Variants in NTRK3 observed in about 807,000 individuals in gnomAD.
NTRK3 encodes the protein neurotrophic receptor tyrosine kinase 3.
NTRK3 carries 24 observed loss-of-function variants against 91.7 expected under a neutral mutation model. That is an observed-to-expected ratio of 0.26 (90% CI 0.19 to 0.37). The LOEUF is 0.37. NTRK3 is among the 10% of genes least tolerant of loss of function. The pLI, the probability that NTRK3 is intolerant of heterozygous loss-of-function variation, is 1.00. For synonymous variants in NTRK3, 483 were observed against 404.0 expected (o/e 1.20, Z -2.34); for missense variants, 880 against 1,068.9 (o/e 0.82, Z 2.46).
intron 3 of NTRK3, among the ~76,000 whole-genome samples, chr15:88,254,001 C>T (rs762607155): frequency 2.0e-5 from 3 of 152,194 alleles, no homozygotes; most frequent in Non-Finnish European, 4.4e-5. Flanking sequence ...CCATCCCTGC[C>T]TCCCACTGGC....
chr15:88,046,904 A>T (rs2142221718), intron 13 of NTRK3, among the ~76,000 whole-genome samples: 1 of 152,262 alleles, frequency 6.6e-6, no homozygotes, highest in South Asian at 2.1e-4. Context: ...GCAACACCAA[A>T]ATCAATTGAA....
chr15:88,057,021 T>C (rs2061711328), intron 13 of NTRK3, among the ~76,000 whole-genome samples: 1 of 150,352 alleles, frequency 6.7e-6, no homozygotes, highest in Admixed American at 6.6e-5. Flanking sequence ...ATACAAAAAT[T>C]AGCCGGGCAT....
intron 14 of NTRK3, among the ~76,000 whole-genome samples, chr15:87,987,670 C>G (rs993576176): frequency 6.6e-6 from 1 of 151,884 alleles, no homozygotes; most frequent in East Asian, 1.9e-4. Flanking sequence ...ACTTTGTATA[C>G]AGTACTCATA....
At chr15:88,195,898 T>C (rs1242914596) in intron 3 of NTRK3, among the ~76,000 whole-genome samples, 1 of 152,202 alleles carries the variant, frequency 6.6e-6, no homozygotes, top group Non-Finnish European at 1.5e-5. Context: ...CTGAGAATGC[T>C]GCCCTTTGGG....
intron 13 of NTRK3, among the ~76,000 whole-genome samples, chr15:88,071,451 T>C (rs896797717): frequency 1.3e-5 from 2 of 152,256 alleles, no homozygotes; most frequent in African/African-American, 4.8e-5. Flanking sequence ...AGGGAAGTTA[T>C]ATGGGCTGGC....
intron 13 of NTRK3, among the ~76,000 whole-genome samples, chr15:88,044,320 A>C (rs926020555): frequency 1.5e-5 from 2 of 131,152 alleles, no homozygotes; most frequent in Admixed American, 9.4e-5. Context: ...GAGTGCAGTG[A>C]CACGATCTCG....
chr15:88,147,762 G>C (rs1011067802), intron 5 of NTRK3, among the ~76,000 whole-genome samples: 2 of 152,088 alleles, frequency 1.3e-5, no homozygotes, highest in African/African-American at 2.4e-5. Flanking sequence ...GGAGTTCTCA[G>C]AGTAGATAAG....
At chr15:87,989,814 C>A (rs1027974570) in intron 14 of NTRK3, among the ~76,000 whole-genome samples, 28 of 152,052 alleles carry the variant, frequency 1.8e-4, no homozygotes, top group African/African-American at 6.3e-4. Flanking sequence ...ACCATGTTGG[C>A]CAGACTGGTC....
chr15:88,177,497 G>A (rs893622865), intron 5 of NTRK3, among the ~76,000 whole-genome samples: 2 of 152,210 alleles, frequency 1.3e-5, no homozygotes, highest in African/African-American at 4.8e-5. Context: ...GAAGAAGGGA[G>A]TAGGCAGGTA....
intron 13 of NTRK3, among the ~76,000 whole-genome samples, chr15:88,099,604 T>C (rs985173614): frequency 6.6e-6 from 1 of 152,172 alleles, no homozygotes; most frequent in African/African-American, 2.4e-5. Flanking sequence ...AGTAGGAACA[T>C]GGCATCGGGA....
At chr15:88,232,502 G>A (rs1425768759) in intron 3 of NTRK3, among the ~76,000 whole-genome samples, 1 of 152,210 alleles carries the variant, frequency 6.6e-6, no homozygotes, top group East Asian at 1.9e-4. Context: ...AACTTGGCTT[G>A]ATTCAATAAT....
chr15:88,248,793 C>A (rs768092227), intron 3 of NTRK3, among the ~76,000 whole-genome samples: 2 of 152,156 alleles, frequency 1.3e-5, no homozygotes, highest in Non-Finnish European at 2.9e-5. Context: ...GTGTCTAGAA[C>A]ATAGTAAGTG....
chr15:88,158,293 G>A (rs964150401), intron 5 of NTRK3, among the ~76,000 whole-genome samples: 4 of 152,190 alleles, frequency 2.6e-5, no homozygotes, highest in Admixed American at 6.5e-5. Flanking sequence ...AAATACAGGA[G>A]GTCCAGGTGG....
rs150981324 is a variant in NTRK3, at chr15:87,893,195, T to C, written c.2134-12767A>G. The stretch of plus-strand genomic sequence containing the variant: ...CTTGTCTTTCCCCAAGGCTGTATCG[T>C]ACCCCTCCTCAAGCCATCAGCTCTA... On this transcript the variant is annotated intron_variant, in intron 17 of 18. Coordinates refer to ENST00000394480, the Ensembl canonical transcript of NTRK3. Among the ~76,000 whole-genome samples, 1,085 of 152,226 alleles carry C rather than the reference T, an allele frequency of 7.1e-3. 14 individuals carry two copies. Among genetic ancestry groups the C allele is most frequent in the African/African-American group, 0.025 (1,027 of 41,534 alleles).
In NTRK3 at chr15:88,243,532, G is replaced by GCATGCA. The variant is rs2052557324; in HGVS notation, c.248+12368_248+12373dup. Among the ~76,000 whole-genome samples, 1 of 80,328 alleles carries GCATGCA rather than the reference G, an allele frequency of 1.2e-5. No individual in the cohort carries two copies. Among genetic ancestry groups the GCATGCA allele is most frequent in the Non-Finnish European group, 2.3e-5 (1 of 43,518 alleles). 52.7% of individuals were successfully genotyped at this position (80,328 alleles called of 152,430 possible). On this transcript the variant is annotated intron_variant, in intron 3 of 18. Coordinates refer to ENST00000394480, the Ensembl canonical transcript of NTRK3. The surrounding 1 kb of genome is among the most constrained non-coding windows in gnomAD (Gnocchi z 4.8). ...TTCTCACTTGATCCCATCCCCCATAGCATGCACACACACACACACACACAC... is the reference window on the plus strand; with the variant it reads ...TTCTCACTTGATCCCATCCCCCATAGCATGCACATGCACACACACACACACACACAC...
intron 3 of NTRK3, among the ~76,000 whole-genome samples, chr15:88,227,135 TTC>T (rs761463669): frequency 6.6e-6 from 1 of 152,140 alleles, no homozygotes; most frequent in Non-Finnish European, 1.5e-5. Context: ...GCACCTCTTA[TTC>T]TCTCTCTCCC....
chr15:87,906,582 G>A (rs890074471), intron 17 of NTRK3, among the ~76,000 whole-genome samples: 3 of 152,196 alleles, frequency 2.0e-5, no homozygotes, highest in African/African-American at 7.2e-5. Context: ...TATGAAGTTT[G>A]TGAGTATTTC....
intron 13 of NTRK3, among the ~76,000 whole-genome samples, chr15:88,066,273 C>T (rs771003786): frequency 6.6e-6 from 1 of 152,202 alleles, no homozygotes; most frequent in Non-Finnish European, 1.5e-5. Context: ...CCATTAAAGA[C>T]AAGTTCCTCC....
chr15:87,958,859 T>A (rs2071946183), intron 14 of NTRK3, among the ~76,000 whole-genome samples: 1 of 151,980 alleles, frequency 6.6e-6, no homozygotes, highest in East Asian at 1.9e-4. Context: ...TAAAAAACTG[T>A]AAAGTAGGAA....
Sources: allele counts gnomAD v4.1 joint callset (sites outside exome capture counted in the v4.1 genomes callset), GRCh38; gene constraint gnomAD v4.1.1; non-coding constraint Gnocchi (gnomAD v3.1); transcripts MANE v1.5; gene names NCBI Gene and HGNC (gene_info 2026-07-23, HGNC 2026-07-21).